The following WWP2 variants were observed in gnomAD, a reference collection of about 807,000 sequenced individuals.
WWP2 encodes WW domain containing E3 ubiquitin protein ligase 2, also known as NEDD4-like E3 ubiquitin-protein ligase WWP2.
Under a neutral mutation model 121.0 loss-of-function variants are expected in WWP2, and 57 were observed. That is an observed-to-expected ratio of 0.47 (90% CI 0.38 to 0.59). WWP2 has a LOEUF of 0.59. Among genes scored for constraint, WWP2 ranks in the 20% least tolerant of loss-of-function variants. The pLI is 0.00. For missense variants in WWP2, 962 were observed against 1,158.9 expected (o/e 0.83, Z 2.47); for synonymous variants, 449 against 441.3 (o/e 1.02, Z -0.22).
At chr16:69,848,704 A>G (rs1057473318) in intron 6 of WWP2, among the ~76,000 whole-genome samples, 1 of 146,842 alleles carries the variant, frequency 6.8e-6, no homozygotes, top group Non-Finnish European at 1.5e-5. Flanking sequence ...TTCCTTTCTT[A>G]TGTGTATATG....
chr16:69,882,758 G>A (rs951240536), intron 7 of WWP2, among the ~76,000 whole-genome samples: 3 of 152,170 alleles, frequency 2.0e-5, no homozygotes, highest in Non-Finnish European at 4.4e-5. Context: ...ATCTGCCCTC[G>A]CTCTCAAGAT....
At chr16:69,907,069 C>T (rs1051997291) in intron 8 of WWP2, among the ~76,000 whole-genome samples, 1 of 152,172 alleles carries the variant, frequency 6.6e-6, no homozygotes, top group African/African-American at 2.4e-5. Flanking sequence ...GGCATTTTCT[C>T]TTGAGAAGAC....
At chr16:69,851,177 AT>A (rs34470069) in intron 6 of WWP2, among the ~76,000 whole-genome samples, 46 of 144,934 alleles carry the variant, frequency 3.2e-4, no homozygotes, top group Non-Finnish European at 2.3e-4. Context: ...TGCCCAGCTA[AT>A]TTTTTTTTTT....
At chr16:69,765,645 G>T (rs1331023791) in intron 1 of WWP2, among the ~76,000 whole-genome samples, 1 of 152,170 alleles carries the variant, frequency 6.6e-6, no homozygotes, top group Non-Finnish European at 1.5e-5. Flanking sequence ...CCAACATGGT[G>T]AAACCCCATC....
In WWP2 at chr16:69,941,378, T is replaced by A. The variant is rs1347649314; in HGVS notation, c.*1438T>A. 6.5e-6 allele frequency: 1 copy of A among 153,928 alleles called. No homozygotes were observed. Among genetic ancestry groups the A allele is most frequent in the African/African-American group, 2.4e-5 (1 of 41,442 alleles). 9.5% of individuals were successfully genotyped at this position (153,928 alleles called of 1,614,324 possible). On this transcript the variant is annotated 3_prime_UTR_variant, in exon 24 of 24. Coordinates refer to ENST00000359154, the MANE Select transcript of WWP2 (RefSeq NM_001270454.2). ...CTCCATGCTCCCAGATTCTCGACCT[T>A]CCCCCGGCCCGGGAGGTGCAGCCTG...
At chr16:69,869,273 C>T (rs573668580) in intron 6 of WWP2, among the ~76,000 whole-genome samples, 23 of 151,530 alleles carry the variant, frequency 1.5e-4, no homozygotes, top group East Asian at 3.9e-4. Context: ...ACAGTTCAGT[C>T]GTACTCTGTC....
intron 9 of WWP2, 95 bp from the exon 10 acceptor site, chr16:69,917,614 C>T: frequency 6.9e-7 from 1 of 1,451,616 alleles, no homozygotes; most frequent in East Asian, 2.3e-5. Context: ...TGTGACAGGG[C>T]CTGCCCGGCT....
intron 4 of WWP2, among the ~76,000 whole-genome samples, chr16:69,833,096 C>T (rs1252236576): frequency 6.7e-6 from 1 of 148,906 alleles, no homozygotes; most frequent in Non-Finnish European, 1.5e-5. Context: ...TGGACTCAAG[C>T]GAGCCCCCTG....
At chr16:69,929,409 G>A (rs971088704) in intron 11 of WWP2, 39 bp from the exon 12 acceptor site, 1 of 1,596,280 alleles carries the variant, frequency 6.3e-7, no homozygotes, top group African/African-American at 1.3e-5. Context: ...GGCTCTCCGT[G>A]TTTGAATCTG....
At chr16:69,854,944 C>T (rs1432531706) in intron 6 of WWP2, among the ~76,000 whole-genome samples, 1 of 152,194 alleles carries the variant, frequency 6.6e-6, no homozygotes, top group Non-Finnish European at 1.5e-5. Context: ...CAGCCTCAAC[C>T]TCCAAGGCTC....
At chr16:69,818,709 T>G (rs888302172) in intron 4 of WWP2, among the ~76,000 whole-genome samples, 7 of 152,170 alleles carry the variant, frequency 4.6e-5, no homozygotes, top group African/African-American at 1.4e-4. Context: ...TGCCACAATC[T>G]GTGGGTTTTC....
Position 69,912,981 on chromosome 16 carries a change from T to C in WWP2, c.1004+4131T>C. On this transcript the variant is annotated intron_variant, in intron 9 of 23. Coordinates refer to ENST00000359154, the MANE Select transcript of WWP2 (RefSeq NM_001270454.2). Reference sequence around the variant, plus strand: ...ATATATATATATATATATATATATATATATATATATATATTTTTTTTTTTT... The same window carrying C: ...ATATATATATATATATATATATATACATATATATATATATTTTTTTTTTTT... 5.6e-4 allele frequency among the ~76,000 whole-genome samples: 2 copies of C among 3,568 alleles called. 1 individual carries two copies. The highest frequency in any genetic ancestry group is 1.6e-3 in the African/African-American group (2 of 1,260). 2.3% of individuals were successfully genotyped at this position (3,568 alleles called of 152,430 possible).
At chr16:69,839,995 A>G in intron 4 of WWP2, 131 bp from the exon 5 acceptor site, 3 of 1,339,612 alleles carry the variant, frequency 2.2e-6, no homozygotes, top group Non-Finnish European at 3.1e-6. Flanking sequence ...GCCACGAGGC[A>G]AAATGTGAAG....
At chr16:69,773,186 T>A (rs903020903) in intron 1 of WWP2, among the ~76,000 whole-genome samples, 1 of 141,082 alleles carries the variant, frequency 7.1e-6, no homozygotes, top group African/African-American at 2.8e-5. Context: ...ACGTTGCTCC[T>A]TTTTTTTTTT....
chr16:69,769,972 G>A (rs1433588273), intron 1 of WWP2, among the ~76,000 whole-genome samples: 2 of 149,312 alleles, frequency 1.3e-5, no homozygotes, highest in Non-Finnish European at 3.0e-5. Flanking sequence ...AGCGATTCCC[G>A]TGCCTCAGCC....
At position 69,931,823 on chromosome 16, in the gene WWP2, G is replaced by A. The variant is rs1487384539; in HGVS notation, c.1615G>A (p.Asp539Asn). 1 of 1,613,684 alleles carries A rather than the reference G, an allele frequency of 6.2e-7. No individual in the cohort carries two copies. The highest frequency in any genetic ancestry group is 2.2e-5 in the East Asian group (1 of 44,868). The change falls in exon 16 of 24, where the codon GAC (aspartate) becomes AAC (asparagine). Residue 539 changes from aspartate (D) to asparagine (N), a missense_variant. Physicochemically the swap from Asp to Asn is conservative, Grantham distance 23 (BLOSUM62 1). This residue lies in a region of WWP2 where 606 missense variants were observed against 772.6 expected (regional missense o/e 0.78). Coordinates refer to ENST00000359154, the MANE Select transcript of WWP2 (RefSeq NM_001270454.2). ...CCAGATCATGAACATGAAACCCTAT[G>A]ACCTGCGCCGCCGGCTCTACATCAT... is the stretch of plus-strand genomic sequence containing the variant. ...FQQIMNMKPY[D>N]LRRRLYIIMR...
intron 6 of WWP2, among the ~76,000 whole-genome samples, chr16:69,850,232 A>G (rs1395348717): frequency 6.6e-6 from 1 of 151,852 alleles, no homozygotes; most frequent in East Asian, 1.9e-4. Context: ...TAAAAATACA[A>G]AAAAATTAGC....
At chr16:69,926,658 G>C (rs2058644563) in intron 11 of WWP2, among the ~76,000 whole-genome samples, 1 of 152,122 alleles carries the variant, frequency 6.6e-6, no homozygotes, top group Admixed American at 6.5e-5. Flanking sequence ...TCTGATTGGA[G>C]AGATCATTTA....
At chr16:69,826,957 G>T (rs12920411) in intron 4 of WWP2, among the ~76,000 whole-genome samples, 5 of 78,612 alleles carry the variant, frequency 6.4e-5, no homozygotes, top group African/African-American at 2.9e-4. Flanking sequence ...AAAAAAAAGG[G>T]GGGGGGGCGG....
Sources: gnomAD v4.1 joint callset for allele counts (sites outside exome capture counted in the v4.1 genomes callset) on GRCh38, gnomAD v4.1.1 for gene constraint, gnomAD v4.1.1 regional missense constraint, MANE v1.5 for transcripts, NCBI Gene and HGNC (gene_info 2026-07-23, HGNC 2026-07-21) for gene names.